NID2: variants seen among roughly 807,000 people sequenced by gnomAD.
NID2 encodes the protein nidogen 2.
A neutral mutation model predicts 145.4 loss-of-function variants in NID2; 83 were observed. The observed-to-expected ratio is 0.57, with a 90% CI of 0.48 to 0.69. The LOEUF is 0.69. NID2 is among the 30% of genes least tolerant of loss of function. The probability of loss-of-function intolerance (pLI) is 0.00; values close to 1 mark genes in which losing one functional copy is unlikely to be tolerated. For synonymous variants in NID2, 739 were observed against 701.3 expected, an observed-to-expected ratio of 1.05 and a Z score of -0.85; for missense variants, 1,807 against 1,765.7, an observed-to-expected ratio of 1.02 and a Z score of -0.42.
rs1398842878 is a variant in NID2, at chr14:52,043,238, T to A, written c.1430-307A>T. ...TAAGTACATGTTAGGTTGAACTTCA[T>A]GAAACCACTATTTTTGTGGGTCAAA... On this transcript the variant is annotated intron_variant, in intron 5 of 21. Transcript: ENST00000216286. 3.3e-5 allele frequency among the ~76,000 whole-genome samples: 5 copies of A among 152,232 alleles called. No homozygotes were observed. In the East Asian group the frequency reaches 9.6e-4, roughly 29 times the overall value.
At chr14:52,011,163 T>C in intron 17 of NID2, 116 bp from the exon 18 acceptor site, 1 of 898,202 alleles carries the variant, frequency 1.1e-6, no homozygotes, top group African/African-American at 1.7e-5. Context: ...AGCCCAAGTG[T>C]CTCCAAGTCC....
At chr14:52,027,017 C>T (rs1332548430) in intron 12 of NID2, among the ~76,000 whole-genome samples, 184 bp downstream of exon 12, 1 of 152,230 alleles carries the variant, frequency 6.6e-6, no homozygotes, top group Non-Finnish European at 1.5e-5. Flanking sequence ...CCATCTAGTC[C>T]AGAGGAAATC....
chr14:52,041,017 C>A (rs1892262088), intron 7 of NID2, among the ~76,000 whole-genome samples, 166 bp from the exon 8 acceptor site: 1 of 152,110 alleles, frequency 6.6e-6, no homozygotes, highest in South Asian at 2.1e-4. Context: ...CATAAGTTCC[C>A]AAACTTTTCC....
intron 18 of NID2, chr14:52,008,702 A>G (rs967495774): frequency 2.0e-5 from 3 of 152,168 alleles, no homozygotes; most frequent in African/African-American, 7.2e-5. Context: ...CTTGAATTGG[A>G]TCTTGGGTTT....
Position 52,027,217 on chromosome 14 carries a change from A to G in NID2, c.2658T>C (p.Asp886=), listed in dbSNP as rs756842318. ...GTTACTCACCAGTGCACTGGTGCCC[A>G]TCGCCGGCATAACCAGGCAGGCAGG... ...SCACLPGYAG[D]GHQCTDVDEC... Residue 886 remains aspartate (D), a synonymous_variant, in exon 12 of 22, where the codon GAT becomes GAC. Coordinates refer to ENST00000216286, the MANE Select transcript of NID2 (RefSeq NM_007361.4). The G allele has an allele frequency of 7.4e-5, 115 of 1,558,772 alleles. No individual in the cohort carries two copies. The South Asian group carries it at 1.2e-3, about 17-fold the overall frequency.
At chr14:52,033,754 T>C (rs191912985) in intron 9 of NID2, among the ~76,000 whole-genome samples, 133 of 152,340 alleles carry the variant, frequency 8.7e-4, no homozygotes, top group Middle Eastern at 3.4e-3. Context: ...TGAACAGTAC[T>C]GCTGTGTGTG....
intron 9 of NID2, among the ~76,000 whole-genome samples, chr14:52,034,069 A>G (rs2029983): frequency 0.84 from 127,357 of 152,084 alleles, 54,396 homozygotes; most frequent in East Asian, 0.97. Flanking sequence ...GAGTTAATTC[A>G]TGTAAGGTGC....
chr14:52,044,195 C>G (rs1189381513), intron 5 of NID2, among the ~76,000 whole-genome samples: 1 of 151,248 alleles, frequency 6.6e-6, no homozygotes, highest in Non-Finnish European at 1.5e-5. Context: ...AGACCTCCAT[C>G]AGCAAATAAA....
chr14:52,011,444 G>T (rs920254525), intron 17 of NID2, 110 bp downstream of exon 17: 8 of 1,390,168 alleles, frequency 5.8e-6, no homozygotes, highest in African/African-American at 5.7e-5. Context: ...GACTTGCCTA[G>T]AACTTAACCT....
chr14:52,032,434 G>A (rs995587960), intron 9 of NID2, among the ~76,000 whole-genome samples: 233 of 152,300 alleles, frequency 1.5e-3, no homozygotes, highest in African/African-American at 5.2e-3. Context: ...TCTCTTGGCT[G>A]ACAGGAAAGA....
intron 9 of NID2, among the ~76,000 whole-genome samples, chr14:52,030,578 GAAAGAAAGAAAGAA>G (rs879901637): frequency 1.6e-3 from 5 of 3,132 alleles, no homozygotes; most frequent in Non-Finnish European, 2.8e-3. Context: ...GGAAGGAAGG[GAAAGAAAGAAAGAA>G]AGAAAGAAAG....
At chr14:52,005,638 A>G (rs1024042927) in intron 21 of NID2, 99 bp downstream of exon 21, 20 of 1,367,980 alleles carry the variant, frequency 1.5e-5, no homozygotes, top group African/African-American at 4.3e-5. Context: ...GAAGAAGGCA[A>G]TGGTGGCAGT....
intron 14 of NID2, among the ~76,000 whole-genome samples, chr14:52,018,080 G>A (rs1891278854): frequency 6.6e-6 from 1 of 152,216 alleles, no homozygotes; most frequent in South Asian, 2.1e-4. Context: ...GCCTCCCAAA[G>A]TGCTGGGATT....
At chr14:52,061,583 G>A (rs1893021303) in intron 2 of NID2, among the ~76,000 whole-genome samples, 1 of 152,118 alleles carries the variant, frequency 6.6e-6, no homozygotes. Flanking sequence ...ATCTCAGGGT[G>A]GAGGTTGGGA....
chr14:52,020,431 T>C (rs1891360998), intron 12 of NID2, among the ~76,000 whole-genome samples: 1 of 152,150 alleles, frequency 6.6e-6, no homozygotes, highest in Non-Finnish European at 1.5e-5. Context: ...AAATGGGTAG[T>C]CGCTCACAGA....
intron 9 of NID2, 138 bp from the exon 10 acceptor site, chr14:52,029,828 T>G: frequency 1.5e-6 from 1 of 682,326 alleles, no homozygotes. Context: ...TATCCATATC[T>G]GAAGCTAGGG....
At chr14:52,028,701 G>A (rs1566753649) in intron 11 of NID2, 21 bp downstream of exon 11, 1 of 1,608,508 alleles carries the variant, frequency 6.2e-7, no homozygotes, top group African/African-American at 1.3e-5. Context: ...GGCCACACAG[G>A]AAAATGATTT....
At chr14:52,060,385 A>G in intron 2 of NID2, 29 bp from the exon 3 acceptor site, 1 of 1,154,254 alleles carries the variant, frequency 8.7e-7, no homozygotes, top group African/African-American at 1.6e-5. Flanking sequence ...AAAAAGAGAG[A>G]GAGAGAGAGA....
At chr14:52,011,719 G>C in intron 16 of NID2, 36 bp from the exon 17 acceptor site, 1 of 1,612,842 alleles carries the variant, frequency 6.2e-7, no homozygotes, top group Non-Finnish European at 8.5e-7. Context: ...GAAGAATTAG[G>C]TTACATTTCC....
Sources: gnomAD v4.1 joint callset for allele counts (sites outside exome capture counted in the v4.1 genomes callset) on GRCh38, gnomAD v4.1.1 for gene constraint, MANE v1.5 for transcripts, NCBI Gene and HGNC (gene_info 2026-07-23, HGNC 2026-07-21) for gene names.